Variants in NLGN1 observed in about 807,000 individuals in gnomAD.
The protein encoded by NLGN1 is neuroligin 1.
In NLGN1, 12 loss-of-function variants were observed where a neutral mutation model predicts 65.5. The observed-to-expected ratio is 0.18, with a 90% confidence interval of 0.12 to 0.30. The LOEUF (loss-of-function observed/expected upper bound fraction) is 0.30. NLGN1 is among the 10% of genes least tolerant of loss of function. NLGN1 has a pLI of 1.00. For synonymous variants in NLGN1, 350 were observed against 359.5 expected, an observed-to-expected ratio of 0.97 and a Z score of 0.30; for missense variants, 750 against 1,007.1, an observed-to-expected ratio of 0.74 and a Z score of 3.46.
At chr3:173,841,583 C>T (rs1232696362) in intron 4 of NLGN1, among the ~76,000 whole-genome samples, 10 of 152,132 alleles carry the variant, frequency 6.6e-5, no homozygotes, top group South Asian at 2.1e-4. Context: ...GAGGTACATT[C>T]GGATGGCATG....
intron 4 of NLGN1, chr3:174,058,007 G>A (rs1736554161): frequency 6.6e-6 from 1 of 152,118 alleles, no homozygotes; most frequent in South Asian, 2.1e-4. Flanking sequence ...TTTGAGGGAA[G>A]AGACAGTTGT....
intron 4 of NLGN1, among the ~76,000 whole-genome samples, chr3:173,922,834 C>CT (rs1359279396): frequency 1.3e-5 from 2 of 152,054 alleles, no homozygotes; most frequent in African/African-American, 2.4e-5. Flanking sequence ...AGCAGGTAGA[C>CT]TGCTTGGGGT....
intron 2 of NLGN1, among the ~76,000 whole-genome samples, chr3:173,557,597 A>G (rs569894196): frequency 2.0e-5 from 3 of 152,068 alleles, no homozygotes; most frequent in Non-Finnish European, 4.4e-5. Flanking sequence ...TTTTATCTGA[A>G]TCCCTTTATT....
intron 4 of NLGN1, among the ~76,000 whole-genome samples, chr3:174,112,172 G>T (rs1436734240): frequency 6.6e-6 from 1 of 151,860 alleles, no homozygotes; most frequent in African/African-American, 2.4e-5. Context: ...TTAGAAAGAT[G>T]CCTGAGTATA....
intron 4 of NLGN1, among the ~76,000 whole-genome samples, chr3:174,191,465 A>C (rs1732378627): frequency 1.3e-5 from 2 of 152,186 alleles, no homozygotes; most frequent in African/African-American, 4.8e-5. Flanking sequence ...CAAACGAGCA[A>C]AGCTATATTT....
chr3:173,923,908 C>T (rs889764626), intron 4 of NLGN1, among the ~76,000 whole-genome samples: 17 of 152,126 alleles, frequency 1.1e-4, no homozygotes, highest in Middle Eastern at 3.4e-3. Context: ...GGAAAAAGTT[C>T]AAATAATTGA....
intron 2 of NLGN1, among the ~76,000 whole-genome samples, chr3:173,439,328 A>G (rs1718718240): frequency 6.6e-6 from 1 of 152,170 alleles, no homozygotes; most frequent in South Asian, 2.1e-4. Context: ...GTGAAATTTA[A>G]TCCAATGGAT....
chr3:174,267,654 A>G (rs1415797550), intron 4 of NLGN1, among the ~76,000 whole-genome samples: 1 of 152,026 alleles, frequency 6.6e-6, no homozygotes, highest in Non-Finnish European at 1.5e-5. Flanking sequence ...TGCTACCCAC[A>G]CTGCATCTTA....
At chr3:173,593,725 T>A (rs1438871681) in intron 2 of NLGN1, among the ~76,000 whole-genome samples, 1 of 152,162 alleles carries the variant, frequency 6.6e-6, no homozygotes, top group Non-Finnish European at 1.5e-5. Flanking sequence ...TGTATTAGTC[T>A]GTTTTCATGC....
chr3:173,835,347 G>C (rs1394085458), intron 4 of NLGN1, among the ~76,000 whole-genome samples: 1 of 151,962 alleles, frequency 6.6e-6, no homozygotes, highest in African/African-American at 2.4e-5. Flanking sequence ...TTTAATAAAA[G>C]ATCTTTTTAT....
chr3:174,174,776 C>T (rs1020601090), intron 4 of NLGN1, among the ~76,000 whole-genome samples: 2 of 151,704 alleles, frequency 1.3e-5, no homozygotes, highest in African/African-American at 4.8e-5. Context: ...AATATATAAG[C>T]ACTTATAGCT....
At chr3:174,285,793 CTT>C (rs1450448959) in exon 7 of NLGN1, 1 of 151,352 alleles carries the variant, frequency 6.6e-6, no homozygotes, top group African/African-American at 2.4e-5. Context: ...ATTTATAAAA[CTT>C]AGCTTTTTTA....
intron 4 of NLGN1, among the ~76,000 whole-genome samples, chr3:174,057,421 T>G (rs765905227): frequency 9.9e-5 from 15 of 151,958 alleles, no homozygotes; most frequent in Non-Finnish European, 1.5e-4. Context: ...TGACCTTAGG[T>G]CTGGGGGTGA....
intron 2 of NLGN1, among the ~76,000 whole-genome samples, chr3:173,529,614 A>C (rs1479114302): frequency 6.6e-6 from 1 of 152,140 alleles, no homozygotes. Flanking sequence ...GTTCAGATCC[A>C]CACCATTTGT....
In NLGN1 at chr3:174,017,231, CTCT is replaced by C. The variant is rs202135406; in HGVS notation, c.646+209404_646+209406del. The stretch of plus-strand genomic sequence containing the variant: ...ACATAATATTTAGCTTGTTTATTCA[CTCT>C]TCTTTTGGCTGATGTTGTGTCCAGA... On this transcript the variant is annotated intron_variant, in intron 4 of 6. Transcript: ENST00000457714. 8.3e-3 allele frequency among the ~76,000 whole-genome samples: 1,259 copies of C among 152,262 alleles called. 16 individuals are homozygous for C. The highest frequency in any genetic ancestry group is 0.028 in the African/African-American group (1,177 of 41,562).
At chr3:173,847,632 AAGGCTG>A (rs1481665700) in intron 4 of NLGN1, among the ~76,000 whole-genome samples, 1 of 152,134 alleles carries the variant, frequency 6.6e-6, no homozygotes, top group African/African-American at 2.4e-5. Flanking sequence ...ATTATTTTGG[AAGGCTG>A]AGGCAGGCAG....
chr3:174,198,779 G>A (rs1733906231), intron 4 of NLGN1, among the ~76,000 whole-genome samples: 1 of 150,930 alleles, frequency 6.6e-6, no homozygotes. Flanking sequence ...CTCTCCCCTG[G>A]GGTATTATTT....
intron 4 of NLGN1, among the ~76,000 whole-genome samples, chr3:173,942,296 T>C (rs535674261): frequency 3.0e-4 from 45 of 152,226 alleles, no homozygotes; most frequent in African/African-American, 1.1e-3. Flanking sequence ...GTAGGTCAGG[T>C]ATAGGTCACA....
intron 1 of NLGN1, among the ~76,000 whole-genome samples, chr3:173,416,135 A>G (rs1713747502): frequency 6.6e-6 from 1 of 152,106 alleles, no homozygotes; most frequent in Admixed American, 6.5e-5. Flanking sequence ...CTTACATTAT[A>G]CTTGTTGACA....
Sources: gnomAD v4.1 joint callset for allele counts (sites outside exome capture counted in the v4.1 genomes callset) on GRCh38, gnomAD v4.1.1 for gene constraint, MANE v1.5 for transcripts, NCBI Gene and HGNC (gene_info 2026-07-23, HGNC 2026-07-21) for gene names.